Variants in SGPP2 observed in about 807,000 individuals in gnomAD.
SGPP2 encodes the protein sphingosine 1-phosphate phosphohydrolase 2.
In SGPP2, 30 loss-of-function variants were observed where a neutral mutation model predicts 33.9. The observed-to-expected ratio is 0.89, with a 90% CI of 0.66 to 1.20. SGPP2 has a LOEUF of 1.20. Among genes scored for constraint, SGPP2 ranks in the 50% most tolerant of loss-of-function variants. The pLI, the probability that SGPP2 is intolerant of heterozygous loss-of-function variation, is 0.00. For synonymous variants in SGPP2, 233 were observed against 225.0 expected, an observed-to-expected ratio of 1.04 and a Z score of -0.32; for missense variants, 458 against 532.1, an observed-to-expected ratio of 0.86 and a Z score of 1.37.
intron 2 of SGPP2, among the ~76,000 whole-genome samples, chr2:222,499,334 C>T (rs2106116645): frequency 6.6e-6 from 1 of 152,344 alleles, no homozygotes; most frequent in Non-Finnish European, 1.5e-5. Flanking sequence ...GTTAATCACT[C>T]ACTGGCCAAG....
At chr2:222,462,696 C>T (rs543020990) in intron 1 of SGPP2, among the ~76,000 whole-genome samples, 1 of 152,164 alleles carries the variant, frequency 6.6e-6, no homozygotes, top group African/African-American at 2.4e-5. Context: ...GTAAAGGGAC[C>T]ACGAGGAATG....
At chr2:222,496,403 T>C (rs1698281384) in intron 2 of SGPP2, among the ~76,000 whole-genome samples, 1 of 152,232 alleles carries the variant, frequency 6.6e-6, no homozygotes, top group Non-Finnish European at 1.5e-5. Context: ...TTCTGAACAT[T>C]TCTGGAAACA....
chr2:222,531,872 A>G (rs1180983320), intron 4 of SGPP2, among the ~76,000 whole-genome samples: 1 of 152,120 alleles, frequency 6.6e-6, no homozygotes, highest in Non-Finnish European at 1.5e-5. Flanking sequence ...GTGGAGACAG[A>G]TACTCTGTAG....
chr2:222,446,726 C>T (rs1027500132), intron 1 of SGPP2, among the ~76,000 whole-genome samples: 2 of 152,158 alleles, frequency 1.3e-5, no homozygotes, highest in Non-Finnish European at 2.9e-5. Flanking sequence ...ATGTGGATAT[C>T]CTTATTGATT....
Position 222,558,754 on chromosome 2 carries a change from A to G in SGPP2, c.1056A>G (p.Ser352=), listed in dbSNP as rs1192839902. The change falls in exon 5 of 5, where the codon TCA becomes TCG. Residue 352 remains serine, a synonymous_variant. Coordinates refer to ENST00000321276, the MANE Select transcript of SGPP2 (RefSeq NM_152386.4). ...VQNLSLQVLY[S]WFKVVTRNKE... ...ATCTCTCACTGCAAGTATTATACTC[A>G]TGGTTCAAGGTGGTCACCAGGAACA... The G allele has an allele frequency of 2.5e-6, 4 of 1,614,118 alleles. No homozygotes were observed. The highest frequency in any genetic ancestry group is 1.1e-5 in the South Asian group (1 of 91,072).
intron 4 of SGPP2, among the ~76,000 whole-genome samples, chr2:222,544,333 A>T (rs1443416755): frequency 6.6e-6 from 1 of 152,232 alleles, no homozygotes; most frequent in Non-Finnish European, 1.5e-5. Flanking sequence ...CAATGAAAAT[A>T]TGTTTAATAT....
At chr2:222,433,904 G>A (rs1697196633) in intron 1 of SGPP2, among the ~76,000 whole-genome samples, 1 of 152,208 alleles carries the variant, frequency 6.6e-6, no homozygotes, top group African/African-American at 2.4e-5. Flanking sequence ...AGCCGGCCTG[G>A]TGTGATTTTA....
chr2:222,489,024 G>A (rs945558222), intron 2 of SGPP2, among the ~76,000 whole-genome samples: 8 of 152,168 alleles, frequency 5.3e-5, no homozygotes, highest in African/African-American at 1.7e-4. Flanking sequence ...AGCAAGTTGC[G>A]AGCAGCAGTA....
Position 222,550,017 on chromosome 2 carries a change from C to T in SGPP2, c.649-8330C>T, listed in dbSNP as rs375357931. 7.2e-5 allele frequency among the ~76,000 whole-genome samples: 11 copies of T among 152,022 alleles called. No individual in the cohort carries two copies. The East Asian group carries it at 1.5e-3, about 21-fold the overall frequency. On this transcript the variant is annotated intron_variant, in intron 4 of 4. Transcript: ENST00000321276. This position sits in a 1 kb window ranked among gnomAD's most constrained non-coding sequence, Gnocchi z 4.5. ...TCAGCCTCCTGAGTAGCTGGAACTACAGGCACGCGCCACCACGTCTGGTTA... is the reference window on the plus strand; with the variant it reads ...TCAGCCTCCTGAGTAGCTGGAACTATAGGCACGCGCCACCACGTCTGGTTA...
chr2:222,533,742 C>T (rs1183105180), intron 4 of SGPP2, among the ~76,000 whole-genome samples: 3 of 152,100 alleles, frequency 2.0e-5, no homozygotes, highest in East Asian at 3.8e-4. Context: ...TGGATTCATA[C>T]TCTCGGTCTG....
chr2:222,533,760 C>T (rs1443792286), intron 4 of SGPP2, among the ~76,000 whole-genome samples: 1 of 151,734 alleles, frequency 6.6e-6, no homozygotes, highest in Non-Finnish European at 1.5e-5. Flanking sequence ...CTGCCATCCT[C>T]CCTGAGATTG....
At chr2:222,538,845 C>T (rs1475629921) in intron 4 of SGPP2, among the ~76,000 whole-genome samples, 3 of 152,132 alleles carry the variant, frequency 2.0e-5, no homozygotes, top group Non-Finnish European at 2.9e-5. Context: ...GGGGATGGTG[C>T]TAAACCATTC....
chr2:222,458,982 C>T (rs1697614952), intron 1 of SGPP2, among the ~76,000 whole-genome samples: 1 of 152,094 alleles, frequency 6.6e-6, no homozygotes, highest in African/African-American at 2.4e-5. Flanking sequence ...TAGGTTAGTG[C>T]TTCTCAAACT....
chr2:222,546,459 T>C (rs1353960922), intron 4 of SGPP2, among the ~76,000 whole-genome samples: 3 of 152,142 alleles, frequency 2.0e-5, no homozygotes, highest in Admixed American at 1.3e-4. Context: ...AAAGAGAACA[T>C]GGCCATATTT....
intron 4 of SGPP2, among the ~76,000 whole-genome samples, chr2:222,546,416 A>C (rs1448238500): frequency 1.3e-5 from 2 of 152,160 alleles, no homozygotes; most frequent in African/African-American, 4.8e-5. Context: ...GGATGTCACA[A>C]TCTCTGTAAG....
chr2:222,531,778 C>T (rs752238010), intron 4 of SGPP2, among the ~76,000 whole-genome samples: 3 of 151,904 alleles, frequency 2.0e-5, no homozygotes, highest in South Asian at 2.1e-4. Flanking sequence ...AATGTGCAAC[C>T]GGGGTTGAGA....
intron 4 of SGPP2, among the ~76,000 whole-genome samples, chr2:222,554,739 C>G (rs1293184170): frequency 1.3e-5 from 2 of 152,178 alleles, no homozygotes; most frequent in Non-Finnish European, 1.5e-5. Context: ...AGCAACTATA[C>G]TGGGAACCTC....
In SGPP2 at chr2:222,497,378, C is replaced by T. The variant is rs188778762; in HGVS notation, c.378+22652C>T. On this transcript the variant is annotated intron_variant, in intron 2 of 4. Coordinates refer to ENST00000321276, the MANE Select transcript of SGPP2 (RefSeq NM_152386.4). ...GGTGATTCTCCTGCCTCTGCCTCCCCGGGTCTCCTGGGACTATGTCACCAC... is the reference window on the plus strand; with the variant it reads ...GGTGATTCTCCTGCCTCTGCCTCCCTGGGTCTCCTGGGACTATGTCACCAC... Among the ~76,000 whole-genome samples, 437 of 151,696 alleles carry T rather than the reference C, an allele frequency of 2.9e-3. 3 individuals are homozygous for T. Among genetic ancestry groups the T allele is most frequent in the Middle Eastern group, 0.017 (5 of 290 alleles).
intron 1 of SGPP2, among the ~76,000 whole-genome samples, chr2:222,439,405 A>G (rs1229333773): frequency 6.6e-6 from 1 of 152,074 alleles, no homozygotes; most frequent in African/African-American, 2.4e-5. Context: ...GGCGGCATGC[A>G]CCTGTAACCC....
Sources: allele counts gnomAD v4.1 joint callset (sites outside exome capture counted in the v4.1 genomes callset), GRCh38; gene constraint gnomAD v4.1.1; non-coding constraint Gnocchi (gnomAD v3.1); transcripts MANE v1.5; gene names NCBI Gene and HGNC (gene_info 2026-07-23, HGNC 2026-07-21).